The following MUC6 variants were observed in gnomAD, a reference collection of about 807,000 sequenced individuals.
MUC6 encodes mucin-6.
Under a neutral mutation model 201.5 loss-of-function variants are expected in MUC6, and 188 were observed. That is an observed-to-expected ratio of 0.93 (90% CI 0.83 to 1.05). The LOEUF (loss-of-function observed/expected upper bound fraction) is 1.05, where lower values mean the gene tolerates loss of function less well. Ranked by LOEUF, MUC6 falls within the 50% of genes least tolerant of loss-of-function variation. MUC6 has a pLI of 0.00. For synonymous variants in MUC6, 1,228 were observed against 1,389.4 expected, an observed-to-expected ratio of 0.88 and a Z score of 2.58; for missense variants, 2,706 against 3,256.9, an observed-to-expected ratio of 0.83 and a Z score of 4.12.
At position 1,025,807 on chromosome 11, in the gene MUC6, C is replaced by G; in HGVS notation, c.2797G>C (p.Gly933Arg). Residue 933 changes from glycine (G) to arginine (R), a missense_variant and splice_region_variant, in exon 22 of 33, where the codon GGG becomes CGG. By Grantham distance (125) the Gly-to-Arg change is moderately radical (BLOSUM62 -2). This residue lies in a region of MUC6 where 1,850 missense variants were observed against 1,958.3 expected (regional missense o/e 0.94). Transcript: ENST00000421673. ...TCSRAIKIFL[G>R]GLSVVLADRN... ...CCAGAGTCTGCCCGGCTGCTCACCCCCAGGAAGATCTTGATGGCCCGTGAG... is the reference window on the plus strand; with the variant it reads ...CCAGAGTCTGCCCGGCTGCTCACCCGCAGGAAGATCTTGATGGCCCGTGAG... The G allele has an allele frequency of 6.2e-7, 1 of 1,611,380 alleles. No homozygotes were observed. The highest frequency in any genetic ancestry group is 8.5e-7 in the Non-Finnish European group (1 of 1,179,322).
chr11:1,020,587 C>G, intron 28 of MUC6, 97 bp downstream of exon 28: 2 of 1,535,092 alleles, frequency 1.3e-6, no homozygotes, highest in Non-Finnish European at 1.8e-6. Flanking sequence ...ACTGCCTGCC[C>G]CCTCCCTGCT....
chr11:1,035,465 A>G (rs913302269), intron 1 of MUC6, among the ~76,000 whole-genome samples: 2 of 151,862 alleles, frequency 1.3e-5, no homozygotes, highest in African/African-American at 4.8e-5. Flanking sequence ...AGACCCCCAC[A>G]TCTCCCACGG....
At chr11:1,026,811 C>T in intron 19 of MUC6, 130 bp downstream of exon 19, 1 of 1,023,066 alleles carries the variant, frequency 9.8e-7, no homozygotes, top group Non-Finnish European at 1.4e-6. Flanking sequence ...GGGCCGCTTC[C>T]ACCTCGTGGC....
intron 2 of MUC6, 94 bp from the exon 3 acceptor site, chr11:1,032,147 C>G (rs914285358): frequency 1.4e-5 from 21 of 1,508,870 alleles, no homozygotes; most frequent in Non-Finnish European, 1.9e-5. Flanking sequence ...TCTCCCTGGG[C>G]CAGGGTTTTT....
intron 20 of MUC6, 90 bp downstream of exon 20, chr11:1,026,237 C>G (rs1216675846): frequency 6.5e-7 from 1 of 1,529,394 alleles, no homozygotes; most frequent in Non-Finnish European, 8.8e-7. Context: ...TGGACGCCCC[C>G]GCCTCTGGGA....
rs761317165 is a variant in MUC6, at chr11:1,029,073, C to T, written c.1353G>A (p.Leu451=). 5.0e-6 allele frequency: 8 copies of T among 1,612,784 alleles called. No individual in the cohort carries two copies. The East Asian group carries it at 1.6e-4, about 31-fold the overall frequency. The change falls in exon 11 of 33, where the codon CTG becomes CTA. Residue 451 remains leucine, a synonymous_variant. Coordinates refer to ENST00000421673, the MANE Select transcript of MUC6 (RefSeq NM_005961.3). ...KSGVSHSETS[L]VAVVYLSRQD... is the part of the protein sequence containing the mutation. The stretch of plus-strand genomic sequence containing the variant: ...GCCTGGAGAGGTAGACCACAGCCAC[C>T]AGGGAGGTCTCGGAGTGTGAGACGC...
At position 1,022,835 on chromosome 11, in the gene MUC6, G is replaced by C. The variant is rs1856847750; in HGVS notation, c.3526+674C>G. ...TGTGCATGAATGAATAAGCAAACAT[G>C]AATGAATGAATGAATATGTGTGAAT... On this transcript the variant is annotated intron_variant, in intron 26 of 32. Coordinates refer to ENST00000421673, the MANE Select transcript of MUC6 (RefSeq NM_005961.3). Among the ~76,000 whole-genome samples the C allele has an allele frequency of 2.0e-5, 3 of 150,976 alleles. No homozygotes were observed. The South Asian group carries it at 6.2e-4, about 31-fold the overall frequency.
Position 1,024,948 on chromosome 11 carries a change from T to C in MUC6, c.3121A>G (p.Ser1041Gly). The stretch of plus-strand genomic sequence containing the variant: ...AGACTGCAGGGGTCTGTCACGAAGC[T>C]CACGTCCCCGCACAGCGGGCTCTCC... ...WKESPLCGDV[S>G]FVTDPCSLNA... Residue 1041 changes from serine (S) to glycine (G), a missense_variant, in exon 24 of 33, where the codon AGC becomes GGC. Coordinates refer to ENST00000421673, the MANE Select transcript of MUC6 (RefSeq NM_005961.3). 2 of 1,612,998 alleles carry C rather than the reference T, an allele frequency of 1.2e-6. No homozygotes were observed. Among genetic ancestry groups the C allele is most frequent in the Non-Finnish European group, 1.7e-6 (2 of 1,179,858 alleles).
At chr11:1,032,902 T>C in intron 2 of MUC6, 111 bp downstream of exon 2, 1 of 859,158 alleles carries the variant, frequency 1.2e-6, no homozygotes, top group East Asian at 2.5e-5. Context: ...GGTGCATATA[T>C]GTGTGTTGGA....
At chr11:1,024,502 G>A (rs1856903319) in intron 24 of MUC6, among the ~76,000 whole-genome samples, 1 of 152,220 alleles carries the variant, frequency 6.6e-6, no homozygotes. Flanking sequence ...GCCCTGGGCT[G>A]GGAAGTGCAC....
chr11:1,026,157 G>A lies in MUC6; in HGVS notation c.2547-16C>T, dbSNP rs537188260. The A allele has an allele frequency of 6.3e-7, 1 of 1,585,026 alleles. No homozygotes were observed. The highest frequency in any genetic ancestry group is 1.2e-5 in the South Asian group (1 of 86,944). On this transcript the variant is annotated splice_polypyrimidine_tract_variant and intron_variant, in intron 20 of 32. Transcript: ENST00000421673. ...TGAGCAGGAGCTGTGGAGACAGCAG[G>A]TGTGGGTGGTGGGCCTGCGGCCCTC...
At chr11:1,020,816 G>A (rs1856789647) in intron 27 of MUC6, 82 bp from the exon 28 acceptor site, 3 of 1,523,442 alleles carry the variant, frequency 2.0e-6, no homozygotes, top group Non-Finnish European at 2.7e-6. Context: ...GAGGGCCTGA[G>A]TCAGAGATGC....
Position 1,029,331 on chromosome 11 carries a change from C to T in MUC6, c.1172G>A (p.Arg391Gln), listed in dbSNP as rs377640571. 5.3e-5 allele frequency: 85 copies of T among 1,604,168 alleles called. No homozygotes were observed. The highest frequency in any genetic ancestry group is 1.7e-4 in the Middle Eastern group (1 of 5,970). The change falls in exon 10 of 33, where the codon CGG becomes CAG. Residue 391 changes from arginine to glutamine, a missense_variant. By Grantham distance (43) the Arg-to-Gln change is conservative. Transcript: ENST00000421673. ...CAGGGAGCAGTGTCCGGGGCACGGC[C>T]GCTCCGTGCACACCCAGCGGCCCAG... The part of the protein sequence containing the change: ...CTLGRWVCTE[R>Q]PCPGHCSLEG...
At chr11:1,035,941 G>C (rs2133841262) in intron 1 of MUC6, among the ~76,000 whole-genome samples, 1 of 152,278 alleles carries the variant, frequency 6.6e-6, no homozygotes, top group East Asian at 1.9e-4. Context: ...GGGGGCCTGG[G>C]GAGGGACTGA....
chr11:1,022,039 C>T (rs1856820005), intron 26 of MUC6, among the ~76,000 whole-genome samples: 1 of 151,912 alleles, frequency 6.6e-6, no homozygotes, highest in Admixed American at 6.6e-5. Flanking sequence ...CCCTCTGCAG[C>T]CCGGTGCCCC....
intron 26 of MUC6, among the ~76,000 whole-genome samples, chr11:1,022,849 ATATG>A (rs1449030653): frequency 1.1e-4 from 16 of 151,730 alleles, no homozygotes; most frequent in Non-Finnish European, 1.0e-4. Context: ...GAATGAATGA[ATATG>A]TGTGAATGAA....
intron 26 of MUC6, among the ~76,000 whole-genome samples, chr11:1,021,771 T>C (rs1350607227): frequency 6.6e-6 from 1 of 151,756 alleles, no homozygotes; most frequent in African/African-American, 2.4e-5. Context: ...AGTCCTCACC[T>C]CCCCCTGGAC....
chr11:1,023,512 C>G lies in MUC6; in HGVS notation c.3523G>C (p.Glu1175Gln), dbSNP rs375322233. 1.3e-6 allele frequency: 2 copies of G among 1,578,336 alleles called. No individual in the cohort carries two copies. The highest frequency in any genetic ancestry group is 2.3e-5 in the East Asian group (1 of 43,122). The change falls in exon 26 of 33, where the codon GAA (glutamate) becomes CAA (glutamine). Residue 1175 changes from glutamate to glutamine, a missense_variant. By Grantham distance (29) the Glu-to-Gln change is conservative. This residue lies in a region of MUC6 where 1,850 missense variants were observed against 1,958.3 expected (regional missense o/e 0.94). Coordinates refer to ENST00000421673, the MANE Select transcript of MUC6 (RefSeq NM_005961.3). ...TTGCCTCCCGGTCACCTGGCACCTT[C>G]GATGTTGCTGCCTGGGACGCTCTGT... ...QPQSVPGSNI[E>Q]GCYNCSQDEY...
Position 1,023,977 on chromosome 11 carries a change from A to G in MUC6, c.3352T>C (p.Cys1118Arg), listed in dbSNP as rs773687971. The G allele has an allele frequency of 2.5e-6, 4 of 1,612,786 alleles. No individual in the cohort carries two copies. The South Asian group carries it at 3.3e-5, about 13-fold the overall frequency. The change falls in exon 25 of 33, where the codon TGC (cysteine) becomes CGC (arginine). Residue 1118 changes from cysteine to arginine, a missense_variant. This residue lies in a region of MUC6 where 1,850 missense variants were observed against 1,958.3 expected (regional missense o/e 0.94). Transcript: ENST00000421673. ...AAGGCCGGGGTCCTCCAGTCCACGC[A>G]CACACCCTTGTCCAGACAGGCTTGG... ...YAQACLDKGVCVDWRTPAFCP... is the reference protein window; with the variant it reads ...YAQACLDKGVRVDWRTPAFCP...
Sources: gnomAD v4.1 joint callset for allele counts (sites outside exome capture counted in the v4.1 genomes callset) on GRCh38, gnomAD v4.1.1 for gene constraint, gnomAD v4.1.1 regional missense constraint, MANE v1.5 for transcripts, NCBI Gene and HGNC (gene_info 2026-07-23, HGNC 2026-07-21) for gene names.